Variants in LMTK2 observed in about 807,000 individuals in gnomAD.
LMTK2 encodes serine/threonine-protein kinase LMTK2.
In LMTK2, 37 loss-of-function variants were observed where a neutral mutation model predicts 127.5. The observed-to-expected ratio is 0.29, with a 90% CI of 0.22 to 0.38. LMTK2 has a LOEUF of 0.38. Ranked by LOEUF, LMTK2 falls within the 10% of genes least tolerant of loss-of-function variation. The pLI is 1.00. For missense variants in LMTK2, 1,694 were observed against 1,920.3 expected (o/e 0.88, Z 2.20); for synonymous variants, 819 against 810.1 (o/e 1.01, Z -0.19).
chr7:98,190,481 C>T (rs948497179), intron 9 of LMTK2, among the ~76,000 whole-genome samples: 2 of 152,150 alleles, frequency 1.3e-5, no homozygotes, highest in Admixed American at 6.5e-5. Context: ...ACTTGGGAGG[C>T]TGAGGCAGGA....
intron 4 of LMTK2, among the ~76,000 whole-genome samples, chr7:98,152,196 G>A (rs908838769): frequency 2.6e-5 from 4 of 152,050 alleles, no homozygotes; most frequent in African/African-American, 7.2e-5. Flanking sequence ...CTCATAGCCC[G>A]TCAAGTGGCC....
chr7:98,117,862 G>C (rs1344789331), intron 1 of LMTK2, among the ~76,000 whole-genome samples: 2 of 152,146 alleles, frequency 1.3e-5, no homozygotes, highest in African/African-American at 2.4e-5. Flanking sequence ...AGCTACTCGG[G>C]AGGTTGAGGC....
At chr7:98,170,585 G>C (rs1224135825) in intron 6 of LMTK2, among the ~76,000 whole-genome samples, 2 of 139,132 alleles carry the variant, frequency 1.4e-5, no homozygotes, top group Non-Finnish European at 3.1e-5. Flanking sequence ...GTCTTTTCTT[G>C]ACTCAGATTT....
Position 98,204,001 on chromosome 7 carries a change from CAAGT to C in LMTK2, c.4301_4304del (p.Ser1434ThrfsTer52). 6.2e-7 allele frequency: 1 copy of C among 1,614,190 alleles called. No individual in the cohort carries two copies. The highest frequency in any genetic ancestry group is 8.5e-7 in the Non-Finnish European group (1 of 1,180,028). On this transcript the variant is annotated frameshift_variant, in exon 13 of 14. Coordinates refer to ENST00000297293, the MANE Select transcript of LMTK2 (RefSeq NM_014916.4). LOFTEE classifies it high-confidence loss of function. Reference sequence around the variant, plus strand: ...CCAGATCCTTTTATGTCAAAGACAACAAGTAACCTGCTCAGCTCCAAGCCTTCTC... The same window carrying C: ...CCAGATCCTTTTATGTCAAAGACAACAACCTGCTCAGCTCCAAGCCTTCTC...
rs747039004 is a variant in LMTK2, at chr7:98,204,177, G to T, written c.4474G>T (p.Glu1492Ter). The change falls in exon 13 of 14, where the codon GAG (glutamate) becomes TAG (stop). Residue 1492 changes from glutamate (E) to a stop codon, truncating the protein, a stop_gained. Transcript: ENST00000297293. LOFTEE classifies it high-confidence loss of function. ...SLTHLTDSDI[E>*]QGGSSEDGEK... ...CACACACCTGACCGACTCGGACATCGAGCAGGGCGGTGAGAGGCGCTGCGT... is the reference window on the plus strand; with the variant it reads ...CACACACCTGACCGACTCGGACATCTAGCAGGGCGGTGAGAGGCGCTGCGT... 6.2e-7 allele frequency: 1 copy of T among 1,606,294 alleles called. No homozygotes were observed. The highest frequency in any genetic ancestry group is 2.2e-5 in the East Asian group (1 of 44,872).
At chr7:98,168,537 C>T (rs751444414) in intron 6 of LMTK2, among the ~76,000 whole-genome samples, 1 of 152,234 alleles carries the variant, frequency 6.6e-6, no homozygotes, top group Non-Finnish European at 1.5e-5. Flanking sequence ...TCCCCAGAAT[C>T]ATCCTATTAA....
At chr7:98,124,920 C>T (rs1431859587) in intron 1 of LMTK2, among the ~76,000 whole-genome samples, 1 of 152,174 alleles carries the variant, frequency 6.6e-6, no homozygotes, top group Non-Finnish European at 1.5e-5. Context: ...ATTTTTATAA[C>T]CCTCCTGGTA....
intron 7 of LMTK2, among the ~76,000 whole-genome samples, chr7:98,184,519 T>C (rs1797404111): frequency 6.6e-6 from 1 of 152,148 alleles, no homozygotes; most frequent in Non-Finnish European, 1.5e-5. Context: ...ACCTATGAGC[T>C]GAAAGCCTCC....
intron 1 of LMTK2, among the ~76,000 whole-genome samples, chr7:98,130,269 G>C (rs996796338): frequency 6.6e-6 from 1 of 152,200 alleles, no homozygotes; most frequent in South Asian, 2.1e-4. Context: ...TTGCCATTAG[G>C]TTAAAGATGG....
intron 13 of LMTK2, among the ~76,000 whole-genome samples, chr7:98,204,664 G>A (rs1797762048): frequency 6.6e-6 from 1 of 152,092 alleles, no homozygotes; most frequent in African/African-American, 2.4e-5. Flanking sequence ...TCCTGAGTGT[G>A]CTCTCGGGGC....
At chr7:98,199,443 C>A (rs1253424971) in intron 11 of LMTK2, among the ~76,000 whole-genome samples, 1 of 152,152 alleles carries the variant, frequency 6.6e-6, no homozygotes, top group Non-Finnish European at 1.5e-5. Flanking sequence ...ACCTTTTTAT[C>A]CTTTCGTAAT....
Position 98,192,569 on chromosome 7 carries a change from T to C in LMTK2, c.2104T>C (p.Ser702Pro), listed in dbSNP as rs150039146. 271 of 1,613,236 alleles carry C rather than the reference T, an allele frequency of 1.7e-4. No individual in the cohort carries two copies. In the African/African-American group the frequency reaches 3.2e-3, roughly 19 times the overall value. The stretch of plus-strand genomic sequence containing the variant: ...TTTTGACAGTGAGCCTCTCTGCCTA[T>C]CAGATAATCTTATGCACCAAGATAA... ...KIFDSEPLCL[S>P]DNLMHQDNFD... The change falls in exon 11 of 14, where the codon TCA becomes CCA. Residue 702 changes from serine (S) to proline (P), a missense_variant. Around this residue, in one of 8 missense-constraint regions of LMTK2, gnomAD observed 527 missense variants for 539.8 expected, o/e 0.98. Transcript: ENST00000297293.
chr7:98,123,513 C>G (rs1274113106), intron 1 of LMTK2, among the ~76,000 whole-genome samples: 2 of 152,078 alleles, frequency 1.3e-5, no homozygotes, highest in Admixed American at 1.3e-4. Flanking sequence ...AGTGGTGTCT[C>G]TGTGGCCGCT....
intron 1 of LMTK2, among the ~76,000 whole-genome samples, chr7:98,120,568 A>G (rs889128762): frequency 3.3e-5 from 5 of 152,220 alleles, no homozygotes; most frequent in Non-Finnish European, 7.3e-5. Flanking sequence ...ATTAGCCACT[A>G]AATTTAAGTT....
intron 10 of LMTK2, among the ~76,000 whole-genome samples, chr7:98,191,336 G>A (rs1797520790): frequency 6.6e-6 from 1 of 152,038 alleles, no homozygotes; most frequent in Non-Finnish European, 1.5e-5. Context: ...GGCAGATCAC[G>A]AGGTGAGGAG....
intron 1 of LMTK2, among the ~76,000 whole-genome samples, chr7:98,127,019 C>T (rs1584249622): frequency 6.6e-6 from 1 of 152,122 alleles, no homozygotes; most frequent in East Asian, 1.9e-4. Context: ...TTTCCCTTTT[C>T]CTTTCCTATA....
chr7:98,115,464 A>G (rs947365347), intron 1 of LMTK2, among the ~76,000 whole-genome samples: 1 of 151,570 alleles, frequency 6.6e-6, no homozygotes, highest in Non-Finnish European at 1.5e-5. Flanking sequence ...AAAAGAAGGA[A>G]GGGAGGGCGG....
At chr7:98,113,646 G>A (rs1175548374) in intron 1 of LMTK2, among the ~76,000 whole-genome samples, 1 of 152,178 alleles carries the variant, frequency 6.6e-6, no homozygotes, top group Non-Finnish European at 1.5e-5. Context: ...TAAAATGAGG[G>A]AAGGAATATT....
chr7:98,135,397 C>T (rs1463018375), intron 1 of LMTK2, among the ~76,000 whole-genome samples: 3 of 152,116 alleles, frequency 2.0e-5, no homozygotes, highest in Admixed American at 6.6e-5. Flanking sequence ...ACTGCAGCCT[C>T]CTCCTCCTGG....
Sources: allele counts gnomAD v4.1 joint callset (sites outside exome capture counted in the v4.1 genomes callset), GRCh38; gene constraint gnomAD v4.1.1; regional missense constraint gnomAD v4.1.1; transcripts MANE v1.5; gene names NCBI Gene and HGNC (gene_info 2026-07-23, HGNC 2026-07-21).